Variants in GRIN2A observed in about 807,000 individuals in gnomAD.
The protein encoded by GRIN2A is glutamate receptor ionotropic, NMDA 2A.
GRIN2A carries 22 observed loss-of-function variants against 113.4 expected under a neutral mutation model. The observed-to-expected ratio is 0.19, with a 90% CI of 0.14 to 0.28. GRIN2A has a LOEUF of 0.28. Ranked by LOEUF, GRIN2A falls within the 10% of genes least tolerant of loss-of-function variation. The pLI is 1.00. For missense variants in GRIN2A, 1,502 were observed against 1,887.0 expected (o/e 0.80, Z 3.78); for synonymous variants, 827 against 738.4 (o/e 1.12, Z -1.94).
intron 2 of GRIN2A, among the ~76,000 whole-genome samples, chr16:9,995,207 G>GC (rs1377185070): frequency 2.0e-5 from 3 of 152,258 alleles, no homozygotes; most frequent in African/African-American, 7.2e-5. Flanking sequence ...TAAGAAATCA[G>GC]CCCCCTGGAG....
At chr16:10,029,251 A>G (rs2046883088) in intron 2 of GRIN2A, among the ~76,000 whole-genome samples, 1 of 151,908 alleles carries the variant, frequency 6.6e-6, no homozygotes, top group Non-Finnish European at 1.5e-5. Flanking sequence ...CTGGAGTGCA[A>G]TGGCACAATC....
chr16:9,932,072 G>T (rs1172435579), intron 3 of GRIN2A, among the ~76,000 whole-genome samples: 1 of 152,192 alleles, frequency 6.6e-6, no homozygotes, highest in African/African-American at 2.4e-5. Context: ...TACTCCTCTT[G>T]TTAGGTGCTG....
At chr16:9,852,251 G>C (rs1469101626) in intron 4 of GRIN2A, among the ~76,000 whole-genome samples, 4 of 152,190 alleles carry the variant, frequency 2.6e-5, no homozygotes, top group African/African-American at 9.6e-5. Context: ...TGAACCCAAA[G>C]GTGCTTTCTC....
Position 9,760,675 on chromosome 16 carries a change from C to G in GRIN2A, c.*2474G>C. On this transcript the variant is annotated 3_prime_UTR_variant, in exon 13 of 13. Transcript: ENST00000330684. ...AGTCCAAGTATAACTCTCACTCTCCCTGGAGGTCTCTGTGGCATTTGGCAG... is the reference window on the plus strand; with the variant it reads ...AGTCCAAGTATAACTCTCACTCTCCGTGGAGGTCTCTGTGGCATTTGGCAG... The G allele has an allele frequency of 4.4e-6, 1 of 226,370 alleles. No individual in the cohort carries two copies. 14.0% of individuals were successfully genotyped at this position (226,370 alleles called of 1,614,324 possible). A position where few individuals can be genotyped will look rare whatever the true frequency, so the allele number is the denominator to read the frequency against.
At chr16:9,909,638 A>G (rs1354453977) in intron 3 of GRIN2A, among the ~76,000 whole-genome samples, 2 of 152,118 alleles carry the variant, frequency 1.3e-5, no homozygotes, top group Non-Finnish European at 2.9e-5. Flanking sequence ...GGAGAAATTG[A>G]TTGCCAAGAG....
chr16:9,932,845 T>G (rs914270430), intron 3 of GRIN2A, among the ~76,000 whole-genome samples: 1 of 152,174 alleles, frequency 6.6e-6, no homozygotes, highest in Admixed American at 6.5e-5. Context: ...GTCCGAAGTC[T>G]AAAAAAGTAC....
chr16:10,036,449 C>CTTTTTTTTTTTT (rs369821921), intron 2 of GRIN2A, among the ~76,000 whole-genome samples: 852 of 45,912 alleles, frequency 0.019, 31 homozygotes, highest in Non-Finnish European at 0.022. Context: ...TTTTTTTTTT[C>CTTTTTTTTTTTT]TTTTTTTTTT....
intron 2 of GRIN2A, among the ~76,000 whole-genome samples, chr16:10,147,591 T>G (rs905942250): frequency 1.3e-5 from 2 of 149,938 alleles, no homozygotes; most frequent in African/African-American, 4.9e-5. Flanking sequence ...GAGCTGAGAT[T>G]GCACCGCTGC....
intron 4 of GRIN2A, among the ~76,000 whole-genome samples, chr16:9,853,176 G>C (rs192201304): frequency 6.6e-6 from 1 of 152,324 alleles, no homozygotes; most frequent in South Asian, 2.1e-4. Context: ...GAGAAGGAAA[G>C]AGCACTCCAG....
In GRIN2A at chr16:9,833,004, C is replaced by T. The variant is rs2042523603; in HGVS notation, c.1777+1101G>A. ...AATATGTATCCATCACATTAAAGTG[C>T]TCTGCTTTTTGGGGGATATGAGACT... On this transcript the variant is annotated intron_variant, in intron 8 of 12. Transcript: ENST00000330684. Among the ~76,000 whole-genome samples the T allele has an allele frequency of 3.3e-5, 5 of 152,222 alleles. No individual in the cohort carries two copies. The South Asian group carries it at 1.0e-3, about 32-fold the overall frequency.
At position 9,913,495 on chromosome 16, in the gene GRIN2A, T is replaced by A. The variant is rs909654359; in HGVS notation, c.1008-22395A>T. 5.3e-5 allele frequency among the ~76,000 whole-genome samples: 8 copies of A among 152,168 alleles called. No homozygotes were observed. On this transcript the variant is annotated intron_variant, in intron 3 of 12. Transcript: ENST00000330684. ...TAATTGAAACAAGTTTCTTTATGTT[T>A]CCCCTCTATATAGAAATAATTAATA...
At chr16:9,926,581 C>T (rs1466424356) in intron 3 of GRIN2A, among the ~76,000 whole-genome samples, 1 of 152,048 alleles carries the variant, frequency 6.6e-6, no homozygotes, top group Non-Finnish European at 1.5e-5. Flanking sequence ...CTAATATCTG[C>T]CAATCTTAAT....
At position 9,764,766 on chromosome 16, in the gene GRIN2A, T is replaced by C; in HGVS notation, c.2778A>G (p.Gln926=). Reference sequence around the variant, plus strand: ...CCATGTCCATGATGAGGGAACCTCTTTGGATGAAGTCAGCAGCTCTTTTGG... The same window carrying C: ...CCATGTCCATGATGAGGGAACCTCTCTGGATGAAGTCAGCAGCTCTTTTGG... The part of the protein sequence containing the change: ...DSPKRAADFI[Q]RGSLIMDMVS... Residue 926 remains glutamine (Q), a synonymous_variant, in exon 13 of 13, where the codon CAA becomes CAG. Transcript: ENST00000330684. 1 of 1,614,194 alleles carries C rather than the reference T, an allele frequency of 6.2e-7. No individual in the cohort carries two copies. Among genetic ancestry groups the C allele is most frequent in the Non-Finnish European group, 8.5e-7 (1 of 1,179,988 alleles).
chr16:9,836,625 G>T lies in GRIN2A; in HGVS notation c.1652-2395C>A, dbSNP rs2042587065. ...ACTTGTGAGCACAGCACGGATCAAA[G>T]GACTCTGCTGCAGTAGTCTTGTTTT... On this transcript the variant is annotated intron_variant, in intron 7 of 12. Transcript: ENST00000330684. Among the ~76,000 whole-genome samples, 3 of 152,288 alleles carry T rather than the reference G, an allele frequency of 2.0e-5. No individual in the cohort carries two copies. The South Asian group carries it at 6.2e-4, about 32-fold the overall frequency.
intron 2 of GRIN2A, among the ~76,000 whole-genome samples, chr16:10,037,657 GCACTGT>G (rs1387842115): frequency 6.6e-6 from 1 of 152,042 alleles, no homozygotes; most frequent in East Asian, 1.9e-4. Flanking sequence ...ACAGGGTCTT[GCACTGT>G]CACCCAGGCT....
chr16:10,153,023 A>G (rs2049616157), intron 2 of GRIN2A, among the ~76,000 whole-genome samples: 1 of 152,192 alleles, frequency 6.6e-6, no homozygotes, highest in Non-Finnish European at 1.5e-5. Flanking sequence ...ACAAGTCATT[A>G]TGCATTTGTT....
At chr16:9,980,298 T>G in intron 2 of GRIN2A, among the ~76,000 whole-genome samples, 1 of 150,930 alleles carries the variant, frequency 6.6e-6, no homozygotes, top group Non-Finnish European at 1.5e-5. Context: ...TACCATCTCA[T>G]ACCAGTTAGA....
chr16:9,932,382 TA>T (rs1319764069), intron 3 of GRIN2A, among the ~76,000 whole-genome samples: 2 of 152,178 alleles, frequency 1.3e-5, no homozygotes, highest in Non-Finnish European at 2.9e-5. Flanking sequence ...TATTTTATTT[TA>T]TTTTTTTTGA....
intron 2 of GRIN2A, among the ~76,000 whole-genome samples, chr16:10,089,726 A>C (rs1223912874): frequency 2.0e-5 from 3 of 152,208 alleles, no homozygotes; most frequent in African/African-American, 7.2e-5. Flanking sequence ...GATAATAATA[A>C]CAGAGGTCTA....
Sources: gnomAD v4.1 joint callset for allele counts (sites outside exome capture counted in the v4.1 genomes callset) on GRCh38, gnomAD v4.1.1 for gene constraint, MANE v1.5 for transcripts, NCBI Gene and HGNC (gene_info 2026-07-23, HGNC 2026-07-21) for gene names.